The following SLIT1 variants were observed in gnomAD, a reference collection of about 807,000 sequenced individuals.
SLIT1 encodes slit guidance ligand 1.
SLIT1 carries 66 observed loss-of-function variants against 186.1 expected under a neutral mutation model. That is an observed-to-expected ratio of 0.35 (90% CI 0.29 to 0.44). The LOEUF (loss-of-function observed/expected upper bound fraction) is 0.44. Among genes scored for constraint, SLIT1 ranks in the 20% least tolerant of loss-of-function variants. The pLI is 1.00. For synonymous variants in SLIT1, 761 were observed against 833.8 expected (o/e 0.91, Z 1.50); for missense variants, 1,638 against 2,037.4 (o/e 0.80, Z 3.77).
intron 4 of SLIT1, among the ~76,000 whole-genome samples, chr10:97,104,815 C>T (rs1318318455): frequency 1.3e-5 from 2 of 152,174 alleles, no homozygotes; most frequent in Non-Finnish European, 2.9e-5. Context: ...TGAATTCATC[C>T]CTCATGCATC....
intron 4 of SLIT1, among the ~76,000 whole-genome samples, chr10:97,107,838 G>C (rs1225263639): frequency 1.3e-5 from 2 of 152,066 alleles, no homozygotes; most frequent in Non-Finnish European, 2.9e-5. Context: ...TGGGGACAGA[G>C]AGGTGCCACT....
At chr10:97,145,774 G>A (rs768672459) in intron 4 of SLIT1, among the ~76,000 whole-genome samples, 1 of 152,306 alleles carries the variant, frequency 6.6e-6, no homozygotes, top group Non-Finnish European at 1.5e-5. Flanking sequence ...CCTCCTCTGA[G>A]ACAAAGATAA....
chr10:97,085,668 G>A (rs1035671110), intron 4 of SLIT1, among the ~76,000 whole-genome samples: 1 of 152,216 alleles, frequency 6.6e-6, no homozygotes, highest in Non-Finnish European at 1.5e-5. Context: ...TTATGGGCGT[G>A]AGCCACCGTG....
At position 97,002,999 on chromosome 10, in the gene SLIT1, T is replaced by G. The variant is rs781708725; in HGVS notation, c.3866-7A>C. 1.9e-6 allele frequency: 3 copies of G among 1,611,446 alleles called. No homozygotes were observed. In the African/African-American group the frequency reaches 4.0e-5, roughly 22 times the overall value. ...TTGACATCCACGGGCATCCCTGGGG[T>G]AGGGGAGGGAGCAGAGCTGGGCTGA... On this transcript the variant is annotated splice_polypyrimidine_tract_variant and splice_region_variant and intron_variant, in intron 34 of 36. Transcript: ENST00000266058.
intron 4 of SLIT1, among the ~76,000 whole-genome samples, chr10:97,111,189 CAA>C (rs560287549): frequency 2.3e-5 from 3 of 129,664 alleles, no homozygotes; most frequent in African/African-American, 2.9e-5. Context: ...GACTCTGTCT[CAA>C]AAAAAAAAAG....
At chr10:97,001,387 A>T (rs1251141312) in intron 36 of SLIT1, 37 bp from the exon 37 acceptor site, 4 of 1,528,706 alleles carry the variant, frequency 2.6e-6, no homozygotes, top group Non-Finnish European at 3.6e-6. Flanking sequence ...GCCTCAGGGC[A>T]CACCCATGGG....
chr10:97,036,571 G>A (rs1414480004), intron 22 of SLIT1, among the ~76,000 whole-genome samples: 2 of 152,228 alleles, frequency 1.3e-5, no homozygotes, highest in Admixed American at 6.5e-5. Context: ...TCCATAGCAA[G>A]ACTTTCTCAA....
At chr10:97,056,266 C>T in intron 13 of SLIT1, 55 bp downstream of exon 13, 1 of 1,598,086 alleles carries the variant, frequency 6.3e-7, no homozygotes, top group South Asian at 1.1e-5. Context: ...AGGCTGCAAC[C>T]TCCCCCAGGC....
intron 4 of SLIT1, among the ~76,000 whole-genome samples, chr10:97,117,638 G>A (rs1047288847): frequency 6.6e-6 from 1 of 152,146 alleles, no homozygotes; most frequent in East Asian, 1.9e-4. Context: ...TAATCTCTTC[G>A]GTTGCTGAGT....
At chr10:97,078,646 A>G (rs1849070985) in intron 4 of SLIT1, among the ~76,000 whole-genome samples, 1 of 134,336 alleles carries the variant, frequency 7.4e-6, no homozygotes, top group Non-Finnish European at 1.7e-5. Context: ...AGAAGACACA[A>G]CTAGCTTCGT....
In SLIT1 at chr10:97,184,107, G is replaced by A. The variant is rs531114587; in HGVS notation, c.197+1371C>T. On this transcript the variant is annotated intron_variant, in intron 1 of 36. Coordinates refer to ENST00000266058, the MANE Select transcript of SLIT1 (RefSeq NM_003061.3). This position sits in a 1 kb window ranked among gnomAD's most constrained non-coding sequence, Gnocchi z 4.4. ...ATTGCAAATTCTCTAAAACCTCCAC[G>A]GGAATTTTTCAGATGCAGCCAAGAA... Among the ~76,000 whole-genome samples the A allele has an allele frequency of 1.3e-4, 20 of 150,646 alleles. No homozygotes were observed. Among genetic ancestry groups the A allele is most frequent in the African/African-American group, 3.9e-4 (16 of 40,944 alleles).
intron 4 of SLIT1, among the ~76,000 whole-genome samples, chr10:97,148,281 G>GTAC (rs761398750): frequency 6.6e-6 from 1 of 150,838 alleles, no homozygotes; most frequent in Non-Finnish European, 1.5e-5. Context: ...TATTGCTTTA[G>GTAC]TACTAAGCTT....
At chr10:97,051,353 A>G (rs1188095055) in intron 13 of SLIT1, among the ~76,000 whole-genome samples, 2 of 152,214 alleles carry the variant, frequency 1.3e-5, no homozygotes, top group African/African-American at 4.8e-5. Flanking sequence ...GTGGGAATGT[A>G]AAATAGTACA....
chr10:97,129,943 A>G (rs1284206829), intron 4 of SLIT1, among the ~76,000 whole-genome samples: 2 of 151,972 alleles, frequency 1.3e-5, no homozygotes, highest in African/African-American at 2.4e-5. Context: ...AAAACCCACA[A>G]CTACTCACCC....
At chr10:97,059,366 G>A (rs1261812523) in intron 11 of SLIT1, 94 bp downstream of exon 11, 9 of 1,015,410 alleles carry the variant, frequency 8.9e-6, no homozygotes, top group Non-Finnish European at 1.4e-5. Flanking sequence ...GCATAGCCCT[G>A]CTCCTCCTCC....
At chr10:97,136,419 G>A (rs770223749) in intron 4 of SLIT1, among the ~76,000 whole-genome samples, 2 of 152,210 alleles carry the variant, frequency 1.3e-5, no homozygotes, top group Non-Finnish European at 2.9e-5. Flanking sequence ...TACAGTGTGA[G>A]TAGGTCACCA....
intron 13 of SLIT1, among the ~76,000 whole-genome samples, chr10:97,050,404 C>T (rs1247721817): frequency 6.6e-6 from 1 of 152,242 alleles, no homozygotes; most frequent in Non-Finnish European, 1.5e-5. Context: ...GGGCTCTGCC[C>T]TCTGGCCCCC....
At chr10:97,035,917 G>A (rs760031581) in intron 22 of SLIT1, among the ~76,000 whole-genome samples, 20 of 152,172 alleles carry the variant, frequency 1.3e-4, no homozygotes, top group Middle Eastern at 6.8e-3. Context: ...TGCCCTCCCC[G>A]CAAGCCGCCT....
In SLIT1 at chr10:96,998,266, A is replaced by C. The variant is rs566690664; in HGVS notation, c.*2846T>G. 15 of 152,372 alleles carry C rather than the reference A, an allele frequency of 9.8e-5. No individual in the cohort carries two copies. Among genetic ancestry groups the C allele is most frequent in the Non-Finnish European group, 1.6e-4 (11 of 68,044 alleles). The allele number at this position is 152,372 out of a possible 1,614,324, so 9.4% of individuals were successfully genotyped here. On this transcript the variant is annotated 3_prime_UTR_variant, in exon 37 of 37. Coordinates refer to ENST00000266058, the MANE Select transcript of SLIT1 (RefSeq NM_003061.3). ...TGGATGTTGACTTTAACATATAAAA[A>C]TACTGTAACAAAATGAAATACAAAT...
Sources: allele counts gnomAD v4.1 joint callset (sites outside exome capture counted in the v4.1 genomes callset), GRCh38; gene constraint gnomAD v4.1.1; non-coding constraint Gnocchi (gnomAD v3.1); transcripts MANE v1.5; gene names NCBI Gene and HGNC (gene_info 2026-07-23, HGNC 2026-07-21).